GRXCR2: variants seen among roughly 807,000 people sequenced by gnomAD.
GRXCR2 encodes the protein glutaredoxin domain-containing cysteine-rich protein 2.
GRXCR2 carries 23 observed loss-of-function variants against 24.8 expected under a neutral mutation model. The observed-to-expected ratio is 0.93, with a 90% CI of 0.67 to 1.32. GRXCR2 has a LOEUF of 1.32. GRXCR2 is among the 40% of genes most tolerant of loss of function. GRXCR2 has a pLI of 0.00. For missense variants in GRXCR2, 315 were observed against 303.4 expected (o/e 1.04, Z -0.28); for synonymous variants, 130 against 116.1 (o/e 1.12, Z -0.77).
intron 2 of GRXCR2, among the ~76,000 whole-genome samples, chr5:145,898,522 C>T (rs1287364489): frequency 6.6e-6 from 1 of 152,026 alleles, no homozygotes; most frequent in Non-Finnish European, 1.5e-5. Context: ...AATATACATA[C>T]AAAAATCCTT....
intron 2 of GRXCR2, among the ~76,000 whole-genome samples, chr5:145,863,690 G>A (rs895214208): frequency 6.6e-6 from 1 of 152,108 alleles, no homozygotes; most frequent in African/African-American, 2.4e-5. Flanking sequence ...GTAAAGACAG[G>A]TCTCATTATG....
intron 2 of GRXCR2, among the ~76,000 whole-genome samples, chr5:145,929,076 G>A (rs1028592440): frequency 6.6e-6 from 1 of 150,910 alleles, no homozygotes; most frequent in Admixed American, 6.6e-5. Flanking sequence ...ATGTATATGT[G>A]TGTATCATTT....
rs56726429 is a variant in GRXCR2 at position 145,891,717 on chromosome 5, G to C, written c.-69-24989C>G. The stretch of plus-strand genomic sequence containing the variant: ...ACTCCACCTCTGGGGGCAGGGCATA[G>C]CCAAACAAAAGGCAGTAGACACCTC... On this transcript the variant is annotated intron_variant, in intron 2 of 3. Coordinates refer to the GRXCR2 transcript ENST00000639411. Among the ~76,000 whole-genome samples, 357 of 152,316 alleles carry C rather than the reference G, an allele frequency of 2.3e-3. 8 individuals are homozygous for C. The East Asian group carries it at 0.066, about 28-fold the overall frequency.
chr5:145,897,497 A>G (rs60089650), intron 2 of GRXCR2, among the ~76,000 whole-genome samples: 2,071 of 152,148 alleles, frequency 0.014, 60 homozygotes, highest in African/African-American at 0.047. Context: ...TACTTCACCC[A>G]TTAATCACAG....
Position 145,879,370 on chromosome 5 carries a change from C to CAAAA in GRXCR2, c.-69-12646_-69-12643dup, listed in dbSNP as rs144743619. ...GAAGATCTACCAAGCAAATGCACAG[C>CAAAA]AAAAAAAAAAAAAAAAGCAGGGGTT... On this transcript the variant is annotated intron_variant, in intron 2 of 3. Transcript: ENST00000639411. Among the ~76,000 whole-genome samples, 50 of 99,576 alleles carry CAAAA rather than the reference C, an allele frequency of 5.0e-4. 1 individual carries two copies. The South Asian group carries it at 0.013, about 25-fold the overall frequency. The allele number at this position is 99,576 out of a possible 152,430, so 65.3% of individuals were successfully genotyped here.
upstream of GRXCR2, among the ~76,000 whole-genome samples, chr5:145,875,020 C>T (rs929815529): frequency 2.7e-4 from 41 of 152,304 alleles, no homozygotes; most frequent in African/African-American, 9.4e-4. Context: ...ATGGGACTTT[C>T]GGACCTACCG....
At chr5:145,877,885 G>A (rs530631903), upstream of GRXCR2, among the ~76,000 whole-genome samples, 193 of 152,346 alleles carry the variant, frequency 1.3e-3, no homozygotes, top group African/African-American at 4.1e-3. Flanking sequence ...GCATCTGCTG[G>A]TGATACCCAG....
intron 2 of GRXCR2, among the ~76,000 whole-genome samples, chr5:145,924,174 T>G (rs958412772): frequency 2.0e-5 from 3 of 152,162 alleles, no homozygotes; most frequent in African/African-American, 7.2e-5. Flanking sequence ...GTACCTACAG[T>G]TGATTGCCAC....
At chr5:145,923,021 A>C (rs566912252) in intron 2 of GRXCR2, among the ~76,000 whole-genome samples, 1 of 152,366 alleles carries the variant, frequency 6.6e-6, no homozygotes, top group East Asian at 1.9e-4. Context: ...GGATCACCAC[A>C]TCAGTGCCAC....
At chr5:145,870,886 T>A (rs1756517709) in intron 1 of GRXCR2, among the ~76,000 whole-genome samples, 1 of 152,088 alleles carries the variant, frequency 6.6e-6, no homozygotes, top group Admixed American at 6.6e-5. Context: ...CATAGAGTAC[T>A]GTGTTTTAAC....
At position 145,859,664 on chromosome 5, in the gene GRXCR2, G is replaced by T; in HGVS notation, c.*69C>A. 1 of 1,461,446 alleles carries T rather than the reference G, an allele frequency of 6.8e-7. No homozygotes were observed. The highest frequency in any genetic ancestry group is 9.5e-7 in the Non-Finnish European group (1 of 1,047,180). The allele number at this position is 1,461,446 out of a possible 1,614,324, so 90.5% of individuals were successfully genotyped here. A position where few individuals can be genotyped will look rare whatever the true frequency, so the allele number is the denominator to read the frequency against. ...CTTGTTGGGAGAGGCAGGAGGAGGA[G>T]AAGGGGGCGGTTTATTAGAAATAAC... On this transcript the variant is annotated 3_prime_UTR_variant, in exon 3 of 3. Transcript: ENST00000377976.
At chr5:145,922,895 G>C (rs1225683756) in intron 2 of GRXCR2, among the ~76,000 whole-genome samples, 3 of 152,244 alleles carry the variant, frequency 2.0e-5, no homozygotes, top group South Asian at 2.1e-4. Context: ...TGTAAGGCCA[G>C]TGTAAGTATG....
At chr5:145,910,287 A>G (rs1346402116) in intron 2 of GRXCR2, among the ~76,000 whole-genome samples, 1 of 152,138 alleles carries the variant, frequency 6.6e-6, no homozygotes, top group Non-Finnish European at 1.5e-5. Flanking sequence ...TCTGAAACAC[A>G]TGCCACCTCT....
intron 2 of GRXCR2, among the ~76,000 whole-genome samples, chr5:145,929,265 C>A (rs1275527543): frequency 6.9e-6 from 1 of 145,404 alleles, no homozygotes. Flanking sequence ...GGACATCAGG[C>A]TGTTTAACTT....
chr5:145,880,254 G>A (rs902349525), intron 2 of GRXCR2, among the ~76,000 whole-genome samples: 3 of 152,074 alleles, frequency 2.0e-5, no homozygotes, highest in Non-Finnish European at 4.4e-5. Flanking sequence ...AATGAATCCA[G>A]GAGCTGTTTT....
chr5:145,913,581 C>T (rs1028640593), intron 2 of GRXCR2, among the ~76,000 whole-genome samples: 4 of 152,100 alleles, frequency 2.6e-5, no homozygotes, highest in Admixed American at 6.5e-5. Flanking sequence ...AATACATTGC[C>T]GGAAATTTTC....
intron 2 of GRXCR2, among the ~76,000 whole-genome samples, chr5:145,865,509 A>T (rs1430510710): frequency 1.3e-5 from 2 of 152,034 alleles, no homozygotes; most frequent in African/African-American, 4.8e-5. Context: ...TAACATTTTT[A>T]AAAGAATTTT....
At chr5:145,905,638 G>A (rs1281299908) in intron 2 of GRXCR2, among the ~76,000 whole-genome samples, 2 of 152,136 alleles carry the variant, frequency 1.3e-5, no homozygotes, top group African/African-American at 4.8e-5. Context: ...GAGAGATGGA[G>A]GGAATAAATA....
intron 2 of GRXCR2, among the ~76,000 whole-genome samples, chr5:145,878,701 A>C (rs2149914531): frequency 6.6e-6 from 1 of 152,332 alleles, no homozygotes. Flanking sequence ...AGAGAATAAC[A>C]CAAAGATACT....
Sources: gnomAD v4.1 joint callset for allele counts (sites outside exome capture counted in the v4.1 genomes callset) on GRCh38, gnomAD v4.1.1 for gene constraint, MANE v1.5 for transcripts, NCBI Gene and HGNC (gene_info 2026-07-23, HGNC 2026-07-21) for gene names.